CDIP1: variants seen among roughly 807,000 people sequenced by gnomAD.
CDIP1 encodes cell death inducing p53 target 1.
CDIP1 carries 9 observed loss-of-function variants against 17.7 expected under a neutral mutation model. The observed-to-expected ratio is 0.51, with a 90% CI of 0.31 to 0.89. The LOEUF is 0.89. Ranked by LOEUF, CDIP1 falls within the 40% of genes least tolerant of loss-of-function variation. The pLI is 0.05. For missense variants in CDIP1, 263 were observed against 277.9 expected, an observed-to-expected ratio of 0.95 and a Z score of 0.38; for synonymous variants, 117 against 109.5, an observed-to-expected ratio of 1.07 and a Z score of -0.43.
At position 4,513,587 on chromosome 16, in the gene CDIP1, T is replaced by C. The variant is rs1346226365; in HGVS notation, c.241+109A>G. ...CTAGGCAAGGGCTGGTTGGGCGTGT[T>C]GGAGTCCCTGCCCTACAGCAGATGC... is the stretch of plus-strand genomic sequence containing the variant. On this transcript the variant is annotated intron_variant, in intron 4 of 5. Coordinates refer to ENST00000567695, the MANE Select transcript of CDIP1 (RefSeq NM_013399.3). The surrounding 1 kb of genome is among the most constrained non-coding windows in gnomAD (Gnocchi z 4.1). The C allele has an allele frequency of 3.2e-6, 3 of 949,008 alleles. No individual in the cohort carries two copies. The African/African-American group carries it at 4.9e-5, about 16-fold the overall frequency. 58.8% of individuals were successfully genotyped at this position (949,008 alleles called of 1,614,324 possible).
chr16:4,533,089 C>G (rs1042871871), intron 1 of CDIP1: 15 of 152,240 alleles, frequency 9.9e-5, no homozygotes. Context: ...AGCTGCAGAT[C>G]TACCTGGCAA....
chr16:4,525,009 G>A (rs1198383556), intron 1 of CDIP1, among the ~76,000 whole-genome samples: 1 of 152,132 alleles, frequency 6.6e-6, no homozygotes, highest in Non-Finnish European at 1.5e-5. Flanking sequence ...GCTGAGGCGG[G>A]AGGATTGTTC....
intron 1 of CDIP1, among the ~76,000 whole-genome samples, chr16:4,535,660 C>T (rs570934850): frequency 6.6e-6 from 1 of 152,348 alleles, no homozygotes; most frequent in East Asian, 1.9e-4. Flanking sequence ...CCCAGGACAC[C>T]ACCAATGTCA....
At chr16:4,527,258 T>A (rs1481210901) in intron 1 of CDIP1, among the ~76,000 whole-genome samples, 1 of 151,944 alleles carries the variant, frequency 6.6e-6, no homozygotes, top group Non-Finnish European at 1.5e-5. Flanking sequence ...TGGGTAATTT[T>A]TTGTATTTTT....
At chr16:4,519,729 T>A (rs2058925063) in intron 1 of CDIP1, among the ~76,000 whole-genome samples, 1 of 152,096 alleles carries the variant, frequency 6.6e-6, no homozygotes. Context: ...GAGTGACTTC[T>A]CACTCTGTTA....
At chr16:4,518,368 G>A (rs1487894585) in intron 1 of CDIP1, among the ~76,000 whole-genome samples, 1 of 152,240 alleles carries the variant, frequency 6.6e-6, no homozygotes, top group Admixed American at 6.5e-5. Context: ...CACCCAACCT[G>A]GGTACAGAAA....
chr16:4,520,264 C>T (rs1436905501), intron 1 of CDIP1, among the ~76,000 whole-genome samples: 1 of 152,048 alleles, frequency 6.6e-6, no homozygotes, highest in Non-Finnish European at 1.5e-5. Context: ...GGCATGCCAC[C>T]CATCTAATTT....
rs561618919 is a variant in CDIP1, at chr16:4,523,374, C to T, written c.-104-8710G>A. On this transcript the variant is annotated intron_variant, in intron 1 of 5. Transcript: ENST00000567695. ...ACTAAAAATACAAAGATTAGCTGGG[C>T]GTGGTGGCACGTGCCTGTAATCCCA... Among the ~76,000 whole-genome samples, 692 of 152,182 alleles carry T rather than the reference C, an allele frequency of 4.5e-3. 3 individuals carry two copies. Among genetic ancestry groups the T allele is most frequent in the Non-Finnish European group, 7.8e-3 (528 of 67,998 alleles).
intron 1 of CDIP1, among the ~76,000 whole-genome samples, chr16:4,520,984 T>C (rs1278284367): frequency 6.6e-6 from 1 of 152,174 alleles, no homozygotes; most frequent in East Asian, 1.9e-4. Flanking sequence ...TTTGACATAC[T>C]TCATGTGTGC....
At chr16:4,537,055 G>A (rs1044963049) in intron 1 of CDIP1, among the ~76,000 whole-genome samples, 3 of 152,098 alleles carry the variant, frequency 2.0e-5, no homozygotes, top group Admixed American at 6.6e-5. Context: ...TAAATACCCA[G>A]GGCTTCCATT....
At chr16:4,535,307 T>C (rs760839022) in intron 1 of CDIP1, among the ~76,000 whole-genome samples, 1 of 152,180 alleles carries the variant, frequency 6.6e-6, no homozygotes, top group Non-Finnish European at 1.5e-5. Flanking sequence ...AATCACTCAA[T>C]GTACAGACCA....
At chr16:4,535,438 TCCTG>T (rs896575514) in intron 1 of CDIP1, among the ~76,000 whole-genome samples, 2 of 152,256 alleles carry the variant, frequency 1.3e-5, no homozygotes, top group African/African-American at 4.8e-5. Context: ...ATCAGAATGC[TCCTG>T]GACCCCCTCA....
Position 4,513,032 on chromosome 16 carries a change from TGG to T in CDIP1, c.272_273del (p.Pro91HisfsTer43), listed in dbSNP as rs1333065203. 6.3e-7 allele frequency: 1 copy of T among 1,594,410 alleles called. No individual in the cohort carries two copies. Among genetic ancestry groups the T allele is most frequent in the Non-Finnish European group, 8.5e-7 (1 of 1,172,844 alleles). On this transcript the variant is annotated frameshift_variant, in exon 5 of 6. Coordinates refer to ENST00000567695, the MANE Select transcript of CDIP1 (RefSeq NM_013399.3). LOFTEE classifies it high-confidence loss of function. This position sits in a 1 kb window ranked among gnomAD's most constrained non-coding sequence, Gnocchi z 4.1. The part of the protein sequence containing the change: ...GFYPPPGPHP[P>X]MGYYPPGPYT... Reference sequence around the variant, plus strand: ...TAGGGCCCTGGGGGGTAGTAGCCCATGGGTGGGTGGGGGCCTGGAGGAGGGTA... The same window carrying T: ...TAGGGCCCTGGGGGGTAGTAGCCCATGTGGGTGGGGGCCTGGAGGAGGGTA...
At chr16:4,534,539 A>C (rs2059086815) in intron 1 of CDIP1, among the ~76,000 whole-genome samples, 2 of 152,122 alleles carry the variant, frequency 1.3e-5, no homozygotes, top group Admixed American at 1.3e-4. Context: ...AGTCACTTAG[A>C]CACTCTGGCT....
chr16:4,513,540 C>T lies in CDIP1; in HGVS notation c.241+156G>A, dbSNP rs117269052. ...TCCCACCTTCCCACGTCCACAGTCC[C>T]TGTCCACACACAGCCTGAGCCCTAG... is the stretch of plus-strand genomic sequence containing the variant. On this transcript the variant is annotated intron_variant, in intron 4 of 5. Coordinates refer to ENST00000567695, the MANE Select transcript of CDIP1 (RefSeq NM_013399.3). This position sits in a 1 kb window ranked among gnomAD's most constrained non-coding sequence, Gnocchi z 4.1. Among the ~76,000 whole-genome samples, 4,162 of 152,338 alleles carry T rather than the reference C, an allele frequency of 0.027. 80 individuals carry two copies. The highest frequency in any genetic ancestry group is 0.041 in the Non-Finnish European group (2,817 of 68,018).
In CDIP1 at chr16:4,524,589, T is replaced by C. The variant is rs544847868; in HGVS notation, c.-104-9925A>G. Reference sequence around the variant, plus strand: ...GCCAGGCCCTTCATCTTTCCTGCCTTCCTCCCATCTACCACCTGGAAGATA... The same window carrying C: ...GCCAGGCCCTTCATCTTTCCTGCCTCCCTCCCATCTACCACCTGGAAGATA... On this transcript the variant is annotated intron_variant, in intron 1 of 5. Transcript: ENST00000567695. 2.6e-5 allele frequency among the ~76,000 whole-genome samples: 4 copies of C among 152,254 alleles called. No homozygotes were observed. In the South Asian group the frequency reaches 8.3e-4, roughly 32 times the overall value.
At chr16:4,528,817 C>T (rs2059026783) in intron 1 of CDIP1, among the ~76,000 whole-genome samples, 1 of 151,880 alleles carries the variant, frequency 6.6e-6, no homozygotes, top group South Asian at 2.1e-4. Flanking sequence ...GGTGAAACCC[C>T]ATCTCTACTA....
chr16:4,530,098 G>A lies in CDIP1; in HGVS notation c.-105+8604C>T, dbSNP rs375864890. On this transcript the variant is annotated intron_variant, in intron 1 of 5. Transcript: ENST00000567695. ...AGTGAGGACAGTGGCTCATCCCTGC[G>A]ACATTTAGATCTCTCATGTTACAGG... Among the ~76,000 whole-genome samples the A allele has an allele frequency of 1.6e-4, 24 of 152,284 alleles. No individual in the cohort carries two copies. In the East Asian group the frequency reaches 2.1e-3, roughly 13 times the overall value.
chr16:4,527,310 A>AT (rs1474980678), intron 1 of CDIP1, among the ~76,000 whole-genome samples: 1 of 151,964 alleles, frequency 6.6e-6, no homozygotes, highest in African/African-American at 2.4e-5. Context: ...GGTGGTCTTG[A>AT]TCTCATGATC....
Sources: gnomAD v4.1 joint callset for allele counts (sites outside exome capture counted in the v4.1 genomes callset) on GRCh38, gnomAD v4.1.1 for gene constraint, Gnocchi (gnomAD v3.1) non-coding constraint, MANE v1.5 for transcripts, NCBI Gene and HGNC (gene_info 2026-07-23, HGNC 2026-07-21) for gene names.